Variants in COQ10B observed in about 807,000 individuals in gnomAD.
COQ10B encodes coenzyme Q10B, also known as coenzyme Q-binding protein COQ10 homolog B, mitochondrial.
A neutral mutation model predicts 27.6 loss-of-function variants in COQ10B; 12 were observed. That is an observed-to-expected ratio of 0.43 (90% CI 0.28 to 0.70). COQ10B has a LOEUF of 0.70. Among genes scored for constraint, COQ10B ranks in the 30% least tolerant of loss-of-function variants. The probability of loss-of-function intolerance (pLI) is 0.17; values close to 1 mark genes in which losing one functional copy is unlikely to be tolerated. For synonymous variants in COQ10B, 115 were observed against 103.0 expected (o/e 1.12, Z -0.71); for missense variants, 278 against 288.7 (o/e 0.96, Z 0.27).
intron 2 of COQ10B, among the ~76,000 whole-genome samples, chr2:197,462,290 C>A (rs2085769285): frequency 6.6e-6 from 1 of 151,528 alleles, no homozygotes; most frequent in African/African-American, 2.4e-5. Flanking sequence ...AAAAAATTAC[C>A]TCTTTATGTC....
intron 3 of COQ10B, among the ~76,000 whole-genome samples, chr2:197,467,845 A>T (rs2085841329): frequency 6.6e-6 from 1 of 152,264 alleles, no homozygotes. Context: ...TCTAGTCTAC[A>T]CTAATCTTTA....
chr2:197,473,035 A>G (rs987010319), intron 4 of COQ10B, among the ~76,000 whole-genome samples: 15 of 152,158 alleles, frequency 9.9e-5, no homozygotes, highest in African/African-American at 3.6e-4. Context: ...GGTTTTTTCC[A>G]GTCTTCTCTT....
rs937958687 is a variant in COQ10B, at chr2:197,470,180, C to T, written c.549+9C>T. The T allele has an allele frequency of 3.2e-5, 50 of 1,539,120 alleles. No homozygotes were observed. The highest frequency in any genetic ancestry group is 4.3e-5 in the Non-Finnish European group (48 of 1,113,932). On this transcript the variant is annotated intron_variant, in intron 4 of 4. Transcript: ENST00000263960. ...GTACCTTGGATTTTTCAGTAAGTCT[C>T]ATAAAGCCCTTGATTTGTTCCACTT...
At chr2:197,457,901 C>T (rs907158270) in intron 1 of COQ10B, among the ~76,000 whole-genome samples, 1 of 152,168 alleles carries the variant, frequency 6.6e-6, no homozygotes, top group Non-Finnish European at 1.5e-5. Context: ...AAATTACAGG[C>T]GTGAGCCACC....
At chr2:197,467,779 A>T (rs565627735) in intron 3 of COQ10B, among the ~76,000 whole-genome samples, 43 of 152,358 alleles carry the variant, frequency 2.8e-4, no homozygotes, top group Non-Finnish European at 5.0e-4. Context: ...GCCATGTGAC[A>T]GTTCTGTGAA....
At chr2:197,461,741 A>G (rs1054473422) in intron 2 of COQ10B, among the ~76,000 whole-genome samples, 2 of 151,694 alleles carry the variant, frequency 1.3e-5, no homozygotes, top group African/African-American at 4.8e-5. Flanking sequence ...CTTGGGTTCA[A>G]GCAAATCTCA....
intron 3 of COQ10B, among the ~76,000 whole-genome samples, chr2:197,463,992 TATATACACAC>T (rs1326316595): frequency 4.7e-4 from 31 of 65,796 alleles, no homozygotes; most frequent in South Asian, 2.7e-3. Flanking sequence ...TATATATATA[TATATACACAC>T]ACACACACAC....
At chr2:197,466,649 C>T (rs538336603) in intron 3 of COQ10B, among the ~76,000 whole-genome samples, 1 of 152,236 alleles carries the variant, frequency 6.6e-6, no homozygotes, top group South Asian at 2.1e-4. Context: ...AGTAAACTTT[C>T]AGCACTGCTA....
Position 197,462,582 on chromosome 2 carries a change from G to C in COQ10B, c.298G>C (p.Asp100His). 1 of 1,594,122 alleles carries C rather than the reference G, an allele frequency of 6.3e-7. No homozygotes were observed. Among genetic ancestry groups the C allele is most frequent in the Non-Finnish European group, 8.6e-7 (1 of 1,166,594 alleles). Residue 100 changes from aspartate to histidine, a missense_variant, in exon 3 of 5, where the codon GAT (aspartate) becomes CAT (histidine). By Grantham distance (81) the Asp-to-His change is moderately conservative. This residue lies in a region of COQ10B where 183 missense variants were observed against 158.2 expected (regional missense o/e 1.16). Coordinates refer to ENST00000263960, the MANE Select transcript of COQ10B (RefSeq NM_025147.5). ...GTATGATGTAGTATCGGGAGTGGAG[G>C]ATTACAAGCATTTTGTTCCTTGGTG... ...EMYDVVSGVE[D>H]YKHFVPWCKK...
chr2:197,455,820 C>G (rs1322705319), intron 1 of COQ10B, among the ~76,000 whole-genome samples: 1 of 152,088 alleles, frequency 6.6e-6, no homozygotes, highest in Non-Finnish European at 1.5e-5. Flanking sequence ...ATTGGCAGGG[C>G]TTGGTGGCGC....
rs747002871 is a variant in COQ10B, at chr2:197,453,793, C to T, written c.104+129C>T. ...ATTTCCGTGTCTTTAGAGGAGAAGG[C>T]TTTTTTTTGCGTTTGGCATCTGAGG... is the stretch of plus-strand genomic sequence containing the variant. On this transcript the variant is annotated intron_variant, in intron 1 of 4. Transcript: ENST00000263960. 56 of 1,028,352 alleles carry T rather than the reference C, an allele frequency of 5.4e-5. No individual in the cohort carries two copies. The East Asian group carries it at 9.0e-4, about 17-fold the overall frequency. The allele number at this position is 1,028,352 out of a possible 1,614,324, so 63.7% of individuals were successfully genotyped here.
At chr2:197,456,657 C>T (rs371270463) in intron 1 of COQ10B, among the ~76,000 whole-genome samples, 12 of 151,256 alleles carry the variant, frequency 7.9e-5, no homozygotes, top group East Asian at 1.9e-4. Flanking sequence ...CCCAGCTACT[C>T]GGGAGGCTGA....
chr2:197,468,562 G>A (rs1443127417), intron 3 of COQ10B, among the ~76,000 whole-genome samples: 1 of 152,050 alleles, frequency 6.6e-6, no homozygotes, highest in Non-Finnish European at 1.5e-5. Context: ...TTGTAAAGAA[G>A]GGCAGAATGT....
In COQ10B at chr2:197,462,477, G is replaced by A. The variant is rs532453764; in HGVS notation, c.255-62G>A. On this transcript the variant is annotated intron_variant, in intron 2 of 4. Transcript: ENST00000263960. ...AAGTTTTATACATATTCACTTTAAAGTATGCATATATTATATAACTAGATG... is the reference window on the plus strand; with the variant it reads ...AAGTTTTATACATATTCACTTTAAAATATGCATATATTATATAACTAGATG... The A allele has an allele frequency of 1.5e-4, 120 of 812,690 alleles. 1 individual carries two copies. The East Asian group carries it at 3.0e-3, about 20-fold the overall frequency. 50.3% of individuals were successfully genotyped at this position (812,690 alleles called of 1,614,324 possible). A position where few individuals can be genotyped will look rare whatever the true frequency, so the allele number is the denominator to read the frequency against.
At chr2:197,471,390 C>T (rs1233284157) in intron 4 of COQ10B, among the ~76,000 whole-genome samples, 1 of 152,106 alleles carries the variant, frequency 6.6e-6, no homozygotes, top group Non-Finnish European at 1.5e-5. Context: ...GATCTGCCTA[C>T]CTTGGCCTCC....
At chr2:197,454,192 G>A (rs985436344) in intron 1 of COQ10B, 1 of 1,456,654 alleles carries the variant, frequency 6.9e-7, no homozygotes, top group Non-Finnish European at 9.3e-7. Context: ...TTTTCACTCT[G>A]CTGTAACTTA....
At chr2:197,464,125 C>T (rs2085799280) in intron 3 of COQ10B, among the ~76,000 whole-genome samples, 1 of 146,812 alleles carries the variant, frequency 6.8e-6, no homozygotes, top group African/African-American at 2.5e-5. Flanking sequence ...TTGAGATTAT[C>T]CTGCCAAGTA....
intron 3 of COQ10B, among the ~76,000 whole-genome samples, chr2:197,463,291 G>A (rs1173327525): frequency 8.3e-6 from 1 of 119,794 alleles, no homozygotes; most frequent in East Asian, 2.2e-4. Flanking sequence ...GACCAACATG[G>A]TGAAACCCCG....
intron 4 of COQ10B, among the ~76,000 whole-genome samples, chr2:197,470,999 G>A (rs1481687433): frequency 1.3e-5 from 2 of 152,166 alleles, no homozygotes; most frequent in African/African-American, 2.4e-5. Context: ...CCAAGGGTTC[G>A]AGCTTGCAGT....
Sources: gnomAD v4.1 joint callset for allele counts (sites outside exome capture counted in the v4.1 genomes callset) on GRCh38, gnomAD v4.1.1 for gene constraint, gnomAD v4.1.1 regional missense constraint, MANE v1.5 for transcripts, NCBI Gene and HGNC (gene_info 2026-07-23, HGNC 2026-07-21) for gene names.